The following OXCT1 variants were observed in gnomAD, a reference collection of about 807,000 sequenced individuals.
OXCT1 encodes succinyl-CoA:3-ketoacid coenzyme A transferase 1, mitochondrial.
In OXCT1, 27 loss-of-function variants were observed where a neutral mutation model predicts 69.6. The ratio of observed to expected loss-of-function variants is 0.39; its 90% confidence interval spans 0.29 to 0.54. The LOEUF (loss-of-function observed/expected upper bound fraction) is 0.54. Ranked by LOEUF, OXCT1 falls within the 20% of genes least tolerant of loss-of-function variation. OXCT1 has a pLI of 0.72. For missense variants in OXCT1, 437 were observed against 650.2 expected (o/e 0.67, Z 3.57); for synonymous variants, 202 against 217.8 (o/e 0.93, Z 0.64).
At chr5:41,779,329 C>A (rs1219853227) in intron 13 of OXCT1, among the ~76,000 whole-genome samples, 1 of 152,174 alleles carries the variant, frequency 6.6e-6, no homozygotes, top group African/African-American at 2.4e-5. Flanking sequence ...AGACTAGCCA[C>A]ATGTGGCTAT....
At chr5:41,772,481 TA>T (rs576119283) in intron 13 of OXCT1, among the ~76,000 whole-genome samples, 3 of 150,982 alleles carry the variant, frequency 2.0e-5, no homozygotes, top group African/African-American at 4.9e-5. Flanking sequence ...TTTTAAAGGT[TA>T]AAAAAAAAGC....
intron 7 of OXCT1, among the ~76,000 whole-genome samples, chr5:41,809,376 G>A (rs1283664409): frequency 6.6e-6 from 1 of 152,016 alleles, no homozygotes; most frequent in African/African-American, 2.4e-5. Flanking sequence ...CTCACAATTA[G>A]TTTGACATGT....
Position 41,739,428 on chromosome 5 carries a change from C to T in OXCT1, c.1483G>A (p.Val495Met), listed in dbSNP as rs368431817. Residue 495 changes from valine to methionine, a missense_variant, in exon 16 of 17, where the codon GTG (valine) becomes ATG (methionine). By Grantham distance (21) the Val-to-Met change is conservative (BLOSUM62 1). Transcript: ENST00000196371. ...TLIELWEGLT[V>M]DDVQKSTGCD... ...CCAGTACTCTTCTGTACGTCATCCA[C>T]TGTCAGGCCTTCCCAGAGCTCAATC... 1 of 1,613,676 alleles carries T rather than the reference C, an allele frequency of 6.2e-7. No individual in the cohort carries two copies.
Position 41,739,492 on chromosome 5 carries a change from C to T in OXCT1, c.1420-1G>A, listed in dbSNP as rs1326186271. Reference sequence around the variant, plus strand: ...TCTTCTTGTCCACATCAAACACAGCCTGTCAGAGTGGGAAGAAAAAGGACA... The same window carrying T: ...TCTTCTTGTCCACATCAAACACAGCTTGTCAGAGTGGGAAGAAAAAGGACA... On this transcript the variant is annotated splice_acceptor_variant, in intron 15 of 16. Transcript: ENST00000196371. LOFTEE classifies it high-confidence loss of function. 6.2e-7 allele frequency: 1 copy of T among 1,601,138 alleles called. No individual in the cohort carries two copies. Among genetic ancestry groups the T allele is most frequent in the Admixed American group, 1.7e-5 (1 of 59,996 alleles).
chr5:41,850,300 G>A (rs1161661381), intron 4 of OXCT1, 121 bp from the exon 5 acceptor site: 2 of 1,079,514 alleles, frequency 1.9e-6, no homozygotes, highest in African/African-American at 1.6e-5. Context: ...AGCTAGCATT[G>A]TACATTAGCA....
intron 7 of OXCT1, among the ~76,000 whole-genome samples, chr5:41,815,885 C>T (rs1301181230): frequency 1.3e-5 from 2 of 152,142 alleles, no homozygotes; most frequent in South Asian, 2.1e-4. Flanking sequence ...GTAATGCCAA[C>T]TAAAATTTAA....
At chr5:41,745,383 C>G (rs1489866709) in intron 15 of OXCT1, among the ~76,000 whole-genome samples, 1 of 152,108 alleles carries the variant, frequency 6.6e-6, no homozygotes, top group Non-Finnish European at 1.5e-5. Context: ...ACCAGAATCT[C>G]TGGGACACAT....
At chr5:41,851,314 G>A (rs1749162469) in intron 4 of OXCT1, among the ~76,000 whole-genome samples, 2 of 151,998 alleles carry the variant, frequency 1.3e-5, no homozygotes, top group Non-Finnish European at 2.9e-5. Flanking sequence ...AGAGACTTGG[G>A]GTATAACTGA....
At chr5:41,793,785 C>T (rs933220492) in intron 13 of OXCT1, among the ~76,000 whole-genome samples, 5 of 152,072 alleles carry the variant, frequency 3.3e-5, no homozygotes, top group Non-Finnish European at 7.4e-5. Context: ...CAAGAGGTTT[C>T]GGCTCTGACC....
chr5:41,823,216 T>C (rs770116395), intron 7 of OXCT1, among the ~76,000 whole-genome samples: 2 of 152,210 alleles, frequency 1.3e-5, no homozygotes, highest in Non-Finnish European at 2.9e-5. Flanking sequence ...ATCATTCATT[T>C]CACTTGAAGG....
intron 7 of OXCT1, among the ~76,000 whole-genome samples, chr5:41,834,495 A>AC (rs1032764116): frequency 1.1e-4 from 15 of 142,666 alleles, no homozygotes; most frequent in African/African-American, 2.9e-4. Context: ...CACAAAAAAA[A>AC]AAAAAAAAAC....
At chr5:41,846,962 C>G (rs1339277142) in intron 5 of OXCT1, among the ~76,000 whole-genome samples, 1 of 152,074 alleles carries the variant, frequency 6.6e-6, no homozygotes, top group Non-Finnish European at 1.5e-5. Context: ...CCTTCGCCCA[C>G]TTTTTGATGG....
At chr5:41,783,625 C>G (rs1428883168) in intron 13 of OXCT1, among the ~76,000 whole-genome samples, 1 of 152,168 alleles carries the variant, frequency 6.6e-6, no homozygotes, top group African/African-American at 2.4e-5. Flanking sequence ...CAGAGATCGA[C>G]TGATTCAAAG....
intron 13 of OXCT1, among the ~76,000 whole-genome samples, chr5:41,790,542 C>G (rs1745866651): frequency 1.3e-5 from 2 of 152,128 alleles, no homozygotes; most frequent in Non-Finnish European, 2.9e-5. Flanking sequence ...CGTTTGCTTG[C>G]CCTGAAGGCT....
chr5:41,757,891 T>C (rs1210488137), intron 14 of OXCT1, among the ~76,000 whole-genome samples: 1 of 152,040 alleles, frequency 6.6e-6, no homozygotes, highest in Non-Finnish European at 1.5e-5. Context: ...CAAAGGCAGA[T>C]GGGCTAAGTA....
chr5:41,766,570 A>G (rs1237028893), intron 13 of OXCT1, among the ~76,000 whole-genome samples: 2 of 141,526 alleles, frequency 1.4e-5, no homozygotes, highest in Non-Finnish European at 3.0e-5. Context: ...TTGTACTCCA[A>G]AAAAAAAAAA....
chr5:41,773,956 A>G (rs938175121), intron 13 of OXCT1, among the ~76,000 whole-genome samples: 2 of 152,234 alleles, frequency 1.3e-5, no homozygotes, highest in African/African-American at 4.8e-5. Context: ...TGTTAAAGCT[A>G]GTACATTCTC....
chr5:41,861,632 A>G (rs1357513626), intron 2 of OXCT1, among the ~76,000 whole-genome samples: 3 of 152,226 alleles, frequency 2.0e-5, no homozygotes, highest in Non-Finnish European at 4.4e-5. Flanking sequence ...AACCACAAGT[A>G]TAAGCCAAGT....
intron 15 of OXCT1, among the ~76,000 whole-genome samples, chr5:41,744,369 G>T (rs1293761092): frequency 3.9e-5 from 6 of 152,160 alleles, no homozygotes; most frequent in African/African-American, 1.4e-4. Context: ...TTTGGGCTGA[G>T]ATGATAGGGT....
Sources: allele counts gnomAD v4.1 joint callset (sites outside exome capture counted in the v4.1 genomes callset), GRCh38; gene constraint gnomAD v4.1.1; transcripts MANE v1.5; gene names NCBI Gene and HGNC (gene_info 2026-07-23, HGNC 2026-07-21).